The following AGBL4 variants were observed in gnomAD, a reference collection of about 807,000 sequenced individuals.
The protein encoded by AGBL4 is cytosolic carboxypeptidase 6.
In AGBL4, 58 loss-of-function variants were observed where a neutral mutation model predicts 66.4. The ratio of observed to expected loss-of-function variants is 0.87; its 90% CI spans 0.71 to 1.09. The LOEUF (loss-of-function observed/expected upper bound fraction) is 1.09, where lower values mean the gene tolerates loss of function less well. AGBL4 is among the 50% of genes least tolerant of loss of function. The probability of loss-of-function intolerance (pLI) is 0.00; values close to 1 mark genes in which losing one functional copy is unlikely to be tolerated. For synonymous variants in AGBL4, 234 were observed against 222.9 expected (o/e 1.05, Z -0.44); for missense variants, 579 against 631.0 (o/e 0.92, Z 0.88).
chr1:49,739,626 G>GA (rs1650243444), intron 2 of AGBL4, among the ~76,000 whole-genome samples: 3 of 151,550 alleles, frequency 2.0e-5, no homozygotes, highest in Admixed American at 6.6e-5. Context: ...AGTTGAAATG[G>GA]AAAAAATGTT....
At chr1:48,656,576 G>A (rs1331417896) in intron 7 of AGBL4, among the ~76,000 whole-genome samples, 2 of 152,210 alleles carry the variant, frequency 1.3e-5, no homozygotes, top group East Asian at 1.9e-4. Context: ...CCCCAGAAGA[G>A]ATATTGGAAA....
intron 5 of AGBL4, among the ~76,000 whole-genome samples, chr1:49,044,211 G>A (rs1200972928): frequency 6.6e-6 from 1 of 152,068 alleles, no homozygotes; most frequent in Non-Finnish European, 1.5e-5. Flanking sequence ...AGGGAAGTAG[G>A]AAGAGGCAGG....
At chr1:49,176,372 A>G (rs1479270655) in intron 4 of AGBL4, among the ~76,000 whole-genome samples, 1 of 152,196 alleles carries the variant, frequency 6.6e-6, no homozygotes, top group Non-Finnish European at 1.5e-5. Flanking sequence ...ACATACAGAC[A>G]TGACACTTCC....
intron 5 of AGBL4, among the ~76,000 whole-genome samples, chr1:48,875,304 C>A (rs1387392187): frequency 6.6e-6 from 1 of 152,146 alleles, no homozygotes; most frequent in Admixed American, 6.6e-5. Context: ...ACCTCTCAAC[C>A]TCACTGCCTT....
intron 4 of AGBL4, among the ~76,000 whole-genome samples, chr1:49,170,737 T>C (rs1006529367): frequency 2.0e-5 from 3 of 151,720 alleles, no homozygotes; most frequent in Admixed American, 6.6e-5. Context: ...CTTGGATAAA[T>C]ATAACAATAT....
chr1:49,390,127 G>T (rs902657764), intron 3 of AGBL4, among the ~76,000 whole-genome samples: 1 of 152,168 alleles, frequency 6.6e-6, no homozygotes, highest in Admixed American at 6.5e-5. Flanking sequence ...AGATGGAAGT[G>T]GTCAAAGTCA....
chr1:48,779,851 T>C (rs1645249431), intron 6 of AGBL4, among the ~76,000 whole-genome samples: 1 of 151,752 alleles, frequency 6.6e-6, no homozygotes, highest in African/African-American at 2.4e-5. Context: ...GTAGCTGGGA[T>C]TACAGGTGCT....
chr1:49,182,680 A>C (rs1406521298), intron 4 of AGBL4, among the ~76,000 whole-genome samples: 1 of 152,100 alleles, frequency 6.6e-6, no homozygotes, highest in Non-Finnish European at 1.5e-5. Flanking sequence ...AGTGGGTATA[A>C]GCTGTTTTTT....
At chr1:48,812,964 G>A (rs572465280) in intron 6 of AGBL4, among the ~76,000 whole-genome samples, 1 of 151,988 alleles carries the variant, frequency 6.6e-6, no homozygotes, top group East Asian at 1.9e-4. Context: ...CTGTTGTGGG[G>A]TGGGGGGAGA....
chr1:49,283,406 CT>C (rs1644326026), intron 3 of AGBL4, among the ~76,000 whole-genome samples: 1 of 152,198 alleles, frequency 6.6e-6, no homozygotes. Flanking sequence ...GTAGATAAAA[CT>C]GCAAAGATGG....
At chr1:49,425,479 T>C (rs1255555289) in intron 3 of AGBL4, among the ~76,000 whole-genome samples, 2 of 152,212 alleles carry the variant, frequency 1.3e-5, no homozygotes, top group Admixed American at 6.5e-5. Flanking sequence ...TAAAATACTT[T>C]AAAGATTTGT....
chr1:49,288,331 A>T (rs1336791309), intron 3 of AGBL4, among the ~76,000 whole-genome samples: 3 of 151,276 alleles, frequency 2.0e-5, no homozygotes, highest in Non-Finnish European at 3.0e-5. Context: ...AACCTGCACA[A>T]TGTGCACATG....
chr1:48,761,574 A>G, intron 6 of AGBL4: 2 of 1,229,124 alleles, frequency 1.6e-6, no homozygotes, highest in Non-Finnish European at 2.2e-6. Context: ...TTGAGGCCAG[A>G]CCAGTTAAAA....
chr1:48,624,969 G>A (rs141015033), intron 9 of AGBL4, among the ~76,000 whole-genome samples: 125 of 151,658 alleles, frequency 8.2e-4, no homozygotes, highest in African/African-American at 2.8e-3. Flanking sequence ...GGGCAATGGC[G>A]CGATCATAGC....
At chr1:49,402,636 C>T (rs1340189500) in intron 3 of AGBL4, among the ~76,000 whole-genome samples, 1 of 149,798 alleles carries the variant, frequency 6.7e-6, no homozygotes, top group Admixed American at 6.7e-5. Context: ...GGCACCATCT[C>T]CACTCACTGT....
intron 5 of AGBL4, among the ~76,000 whole-genome samples, chr1:48,985,754 T>C (rs1416160878): frequency 2.0e-5 from 3 of 151,936 alleles, no homozygotes; most frequent in African/African-American, 7.3e-5. Context: ...ATTTGAGAAA[T>C]GTCTGCTATA....
chr1:49,603,438 T>C (rs1342294249), intron 3 of AGBL4, among the ~76,000 whole-genome samples: 1 of 151,712 alleles, frequency 6.6e-6, no homozygotes, highest in Non-Finnish European at 1.5e-5. Flanking sequence ...GGCAGGAGAA[T>C]GGCATGAACC....
chr1:49,824,945 G>T (rs1409881452), intron 2 of AGBL4, among the ~76,000 whole-genome samples: 2 of 152,020 alleles, frequency 1.3e-5, no homozygotes, highest in African/African-American at 4.8e-5. Flanking sequence ...GCTATTTTTT[G>T]GTTTGCCTCT....
chr1:49,354,746 C>T (rs770884009), intron 3 of AGBL4, among the ~76,000 whole-genome samples: 1 of 152,126 alleles, frequency 6.6e-6, no homozygotes, highest in Non-Finnish European at 1.5e-5. Context: ...TGTTTCTGGT[C>T]ACAAAAACAT....
Sources: gnomAD v4.1 joint callset for allele counts (sites outside exome capture counted in the v4.1 genomes callset) on GRCh38, gnomAD v4.1.1 for gene constraint, MANE v1.5 for transcripts, NCBI Gene and HGNC (gene_info 2026-07-23, HGNC 2026-07-21) for gene names.